The following NEK1 variants were observed in gnomAD, a reference collection of about 807,000 sequenced individuals.
NEK1 encodes the protein NIMA related kinase 1.
Under a neutral mutation model 182.1 loss-of-function variants are expected in NEK1, and 137 were observed. The observed-to-expected ratio is 0.75, with a 90% CI of 0.65 to 0.87. The LOEUF (loss-of-function observed/expected upper bound fraction) is 0.87, where lower values mean the gene tolerates loss of function less well. NEK1 is among the 40% of genes least tolerant of loss of function. The probability of loss-of-function intolerance (pLI) is 0.00; values close to 1 mark genes in which losing one functional copy is unlikely to be tolerated. For synonymous variants in NEK1, 513 were observed against 492.2 expected (o/e 1.04, Z -0.56); for missense variants, 1,391 against 1,494.4 (o/e 0.93, Z 1.14).
At chr4:169,399,526 G>A (rs1344740421) in intron 35 of NEK1, among the ~76,000 whole-genome samples, 6 of 151,490 alleles carry the variant, frequency 4.0e-5, no homozygotes, top group African/African-American at 7.3e-5. Context: ...GCAATGAGCC[G>A]AGATCACGAC....
intron 23 of NEK1, among the ~76,000 whole-genome samples, chr4:169,495,344 C>T (rs1189753362): frequency 1.3e-5 from 2 of 150,524 alleles, no homozygotes; most frequent in Non-Finnish European, 3.0e-5. Context: ...CCCGGGTTCA[C>T]GCCATTCTCC....
chr4:169,550,407 C>T (rs1219073114), intron 18 of NEK1, among the ~76,000 whole-genome samples: 2 of 152,288 alleles, frequency 1.3e-5, no homozygotes, highest in African/African-American at 4.8e-5. Context: ...TTAATAAAGT[C>T]AATATGGTAC....
At chr4:169,538,266 TATA>T (rs1424536763) in intron 18 of NEK1, among the ~76,000 whole-genome samples, 2 of 152,088 alleles carry the variant, frequency 1.3e-5, no homozygotes, top group African/African-American at 4.8e-5. Context: ...CTGTATCAAA[TATA>T]ATAAGAATCT....
At chr4:169,609,075 AAAAGAAG>A (rs1433544607) in intron 2 of NEK1, among the ~76,000 whole-genome samples, 1 of 151,952 alleles carries the variant, frequency 6.6e-6, no homozygotes, top group African/African-American at 2.4e-5. Flanking sequence ...AAAAAAAAAA[AAAAGAAG>A]AAGAAATACA....
At chr4:169,544,882 T>A (rs994717110) in intron 18 of NEK1, among the ~76,000 whole-genome samples, 1 of 151,856 alleles carries the variant, frequency 6.6e-6, no homozygotes, top group Non-Finnish European at 1.5e-5. Flanking sequence ...TTTTCTTCAT[T>A]AGTCTTGCTA....
At position 169,393,632 on chromosome 4, in the gene NEK1, G is replaced by A. The variant is rs1730256488; in HGVS notation, c.*878C>T. On this transcript the variant is annotated 3_prime_UTR_variant, in exon 36 of 36. Transcript: ENST00000507142. ...AACAGGCAAACATTTCCCTCCCTAG[G>A]ATCCTAGTTACCAAAACTGTCACAG... The A allele has an allele frequency of 6.6e-6, 1 of 152,046 alleles. No homozygotes were observed. 9.4% of individuals were successfully genotyped at this position (152,046 alleles called of 1,614,324 possible).
chr4:169,555,952 A>G lies in NEK1; in HGVS notation c.1410T>C (p.Tyr470=). ...DNEAKWKREI[Y]GRGLPERGIL... ...CATACCTTTCTGGAAGACCTCGACC[A>G]TATATTTCTCTTTTCCATTTAGCTT... The change falls in exon 17 of 36, where the codon TAT becomes TAC. Residue 470 remains tyrosine (Y), a synonymous_variant. Coordinates refer to ENST00000507142, the MANE Select transcript of NEK1 (RefSeq NM_001199397.3). 1.2e-6 allele frequency: 2 copies of G among 1,613,666 alleles called. No individual in the cohort carries two copies. Among genetic ancestry groups the G allele is most frequent in the African/African-American group, 1.3e-5 (1 of 75,032 alleles).
intron 16 of NEK1, among the ~76,000 whole-genome samples, chr4:169,557,692 G>A (rs1762350096): frequency 6.6e-6 from 1 of 152,144 alleles, no homozygotes; most frequent in Admixed American, 6.5e-5. Flanking sequence ...CAGCACTTTG[G>A]GAGGCTGAGG....
intron 11 of NEK1, among the ~76,000 whole-genome samples, chr4:169,580,588 T>C (rs546491419): frequency 1.3e-5 from 2 of 150,516 alleles, no homozygotes; most frequent in African/African-American, 2.4e-5. Flanking sequence ...TCTCAAAATA[T>C]CAGCTAGGCA....
chr4:169,423,043 G>C (rs1735750120), intron 31 of NEK1, among the ~76,000 whole-genome samples: 1 of 152,096 alleles, frequency 6.6e-6, no homozygotes, highest in South Asian at 2.1e-4. Flanking sequence ...ATAAGCATAA[G>C]AAAATACTCC....
chr4:169,441,918 TC>T lies in NEK1; in HGVS notation c.2588-3660del, dbSNP rs371579642. Among the ~76,000 whole-genome samples, 3 of 152,180 alleles carry T rather than the reference TC, an allele frequency of 2.0e-5. 1 individual carries two copies. The highest frequency in any genetic ancestry group is 7.2e-5 in the African/African-American group (3 of 41,534). The stretch of plus-strand genomic sequence containing the variant: ...AGGTCTGGAGATCTACCCACCTCTG[TC>T]CGCCACCACAGACACCCAAACATAC... On this transcript the variant is annotated intron_variant, in intron 27 of 35. Coordinates refer to ENST00000507142, the MANE Select transcript of NEK1 (RefSeq NM_001199397.3).
chr4:169,477,409 T>C lies in NEK1; in HGVS notation c.2205+23A>G, dbSNP rs1395161811. Reference sequence around the variant, plus strand: ...GTATATCATTAAGTAAAATGATTGATAAACTTTGAAAATTTTACTTACTGA... The same window carrying C: ...GTATATCATTAAGTAAAATGATTGACAAACTTTGAAAATTTTACTTACTGA... On this transcript the variant is annotated intron_variant, in intron 25 of 35. Transcript: ENST00000507142. 5 of 1,586,766 alleles carry C rather than the reference T, an allele frequency of 3.2e-6. No homozygotes were observed. In the East Asian group the frequency reaches 1.1e-4, roughly 36 times the overall value.
chr4:169,549,043 G>C lies in NEK1; in HGVS notation c.1562+6677C>G, dbSNP rs542289737. Among the ~76,000 whole-genome samples, 11 of 152,320 alleles carry C rather than the reference G, an allele frequency of 7.2e-5. No homozygotes were observed. In the South Asian group the frequency reaches 2.3e-3, roughly 32 times the overall value. On this transcript the variant is annotated intron_variant, in intron 18 of 35. Coordinates refer to ENST00000507142, the MANE Select transcript of NEK1 (RefSeq NM_001199397.3). ...AAAAAAAACTCCTTTGGCTACCTCG[G>C]TGTCTGCCCAAACGGCAGCCCAGTT... is the stretch of plus-strand genomic sequence containing the variant.
In NEK1 at chr4:169,567,405, AT is replaced by A. The variant is rs541042339; in HGVS notation, c.1021-5210del. ...AACTTAGTTTTAAGTGAAAAAAAAA[AT>A]TTTTTTTTTTTTGAGACACAGTCTC... On this transcript the variant is annotated intron_variant, in intron 12 of 35. Coordinates refer to ENST00000507142, the MANE Select transcript of NEK1 (RefSeq NM_001199397.3). 1.6e-3 allele frequency among the ~76,000 whole-genome samples: 237 copies of A among 146,768 alleles called. 1 individual carries two copies. The highest frequency in any genetic ancestry group is 5.1e-3 in the African/African-American group (206 of 40,304).
chr4:169,572,670 G>T (rs180856321), intron 12 of NEK1, among the ~76,000 whole-genome samples: 44 of 152,246 alleles, frequency 2.9e-4, no homozygotes, highest in Admixed American at 1.4e-3. Context: ...TTGCAAAGGA[G>T]GCTGAGAAGC....
intron 23 of NEK1, among the ~76,000 whole-genome samples, chr4:169,501,894 T>C (rs1752483639): frequency 6.6e-6 from 1 of 151,812 alleles, no homozygotes; most frequent in Non-Finnish European, 1.5e-5. Context: ...AAGAAATAAC[T>C]AAAATCAGAG....
chr4:169,428,351 G>GAGATATATATATATATATAT (rs71590009), intron 29 of NEK1, among the ~76,000 whole-genome samples: 7 of 93,246 alleles, frequency 7.5e-5, no homozygotes, highest in South Asian at 4.6e-4. Flanking sequence ...AAATATATGG[G>GAGATATATATATATATATAT]ATATATATAT....
rs76012666 is a variant in NEK1, at chr4:169,438,325, T to C, written c.2588-66A>G. On this transcript the variant is annotated intron_variant, in intron 27 of 35. Transcript: ENST00000507142. The stretch of plus-strand genomic sequence containing the variant: ...ATGATGCATTTTATCTGTAATGGCA[T>C]TGGGGGCAAAGTTCAAAAAGCTGCA... 15,637 of 1,282,552 alleles carry C rather than the reference T, an allele frequency of 0.012. 1,436 individuals are homozygous for C. In the African/African-American group the frequency reaches 0.2, roughly 16 times the overall value. The allele number at this position is 1,282,552 out of a possible 1,614,324, so 79.4% of individuals were successfully genotyped here.
chr4:169,594,029 T>G (rs893306123), intron 5 of NEK1, among the ~76,000 whole-genome samples: 11 of 151,988 alleles, frequency 7.2e-5, no homozygotes, highest in Non-Finnish European at 1.5e-4. Flanking sequence ...TTCTAATCTG[T>G]GCATTTTATT....
Sources: gnomAD v4.1 joint callset for allele counts (sites outside exome capture counted in the v4.1 genomes callset) on GRCh38, gnomAD v4.1.1 for gene constraint, MANE v1.5 for transcripts, NCBI Gene and HGNC (gene_info 2026-07-23, HGNC 2026-07-21) for gene names.